The following SGCZ variants were observed in gnomAD, a reference collection of about 807,000 sequenced individuals.
SGCZ encodes sarcoglycan zeta, also known as zeta-sarcoglycan.
In SGCZ, 40 loss-of-function variants were observed where a neutral mutation model predicts 41.3. That is an observed-to-expected ratio of 0.97 (90% CI 0.75 to 1.26). The LOEUF is 1.26. SGCZ is among the 50% of genes most tolerant of loss of function. The pLI, the probability that SGCZ is intolerant of heterozygous loss-of-function variation, is 0.00. For synonymous variants in SGCZ, 206 were observed against 137.5 expected, an observed-to-expected ratio of 1.50 and a Z score of -3.49; for missense variants, 552 against 369.8, an observed-to-expected ratio of 1.49 and a Z score of -4.04.
chr8:14,544,785 C>T (rs1309642290), intron 2 of SGCZ, among the ~76,000 whole-genome samples: 2 of 152,154 alleles, frequency 1.3e-5, no homozygotes, highest in East Asian at 3.9e-4. Flanking sequence ...AACATAGACC[C>T]TTATCTGTGG....
chr8:15,035,518 G>A (rs570949467), intron 1 of SGCZ, among the ~76,000 whole-genome samples: 1 of 152,238 alleles, frequency 6.6e-6, no homozygotes, highest in African/African-American at 2.4e-5. Flanking sequence ...TGCCTTAAAT[G>A]TAACTGGATT....
intron 7 of SGCZ, among the ~76,000 whole-genome samples, chr8:14,091,975 A>G (rs148572704): frequency 0.15 from 23,004 of 152,156 alleles, 1,893 homozygotes; most frequent in African/African-American, 0.22. Flanking sequence ...TCTTTAATCC[A>G]TCTTGAGTTA....
At chr8:15,104,194 G>A (rs1806727055) in intron 1 of SGCZ, among the ~76,000 whole-genome samples, 1 of 152,102 alleles carries the variant, frequency 6.6e-6, no homozygotes, top group South Asian at 2.1e-4. Context: ...TGTTTTTTGA[G>A]GTCATCCTCA....
intron 1 of SGCZ, among the ~76,000 whole-genome samples, chr8:14,966,979 T>C (rs900110170): frequency 7.9e-5 from 12 of 152,288 alleles, no homozygotes; most frequent in African/African-American, 2.4e-4. Context: ...CTCCCAGTTG[T>C]GTATTTATTC....
chr8:14,485,864 T>C (rs1801658361), intron 2 of SGCZ, among the ~76,000 whole-genome samples: 1 of 115,168 alleles, frequency 8.7e-6, no homozygotes, highest in Admixed American at 1.0e-4. Context: ...AGACGGAGTC[T>C]CGCTCTGTCG....
intron 2 of SGCZ, among the ~76,000 whole-genome samples, chr8:14,359,003 T>C (rs1273636215): frequency 2.0e-5 from 3 of 152,168 alleles, no homozygotes; most frequent in African/African-American, 7.2e-5. Context: ...ATTAACGTAA[T>C]TCTAAAATAC....
chr8:14,424,097 T>C (rs959200012), intron 2 of SGCZ, among the ~76,000 whole-genome samples: 1 of 152,158 alleles, frequency 6.6e-6, no homozygotes, highest in Non-Finnish European at 1.5e-5. Flanking sequence ...AGTCTGCTGA[T>C]AGAAAATTCA....
At chr8:14,929,768 C>T (rs1015717246) in intron 1 of SGCZ, among the ~76,000 whole-genome samples, 1 of 151,750 alleles carries the variant, frequency 6.6e-6, no homozygotes, top group African/African-American at 2.4e-5. Flanking sequence ...TCTTTATTGC[C>T]CAGAAACAGA....
intron 1 of SGCZ, among the ~76,000 whole-genome samples, chr8:14,732,579 A>C (rs1026412592): frequency 6.6e-6 from 1 of 152,196 alleles, no homozygotes; most frequent in South Asian, 2.1e-4. Flanking sequence ...ACTCCACTGC[A>C]GGTGTAATCA....
intron 3 of SGCZ, among the ~76,000 whole-genome samples, chr8:14,261,359 C>T (rs997127707): frequency 3.3e-5 from 5 of 151,962 alleles, no homozygotes; most frequent in Non-Finnish European, 5.9e-5. Context: ...AAAAATTCAG[C>T]GTAGGTTTTA....
chr8:14,654,176 C>G (rs1450504772), intron 1 of SGCZ, among the ~76,000 whole-genome samples: 16 of 150,800 alleles, frequency 1.1e-4, no homozygotes, highest in Non-Finnish European at 1.5e-4. Context: ...AGCATTTATT[C>G]TAAAATAAAT....
chr8:14,569,093 TA>T (rs1256939336), intron 1 of SGCZ, among the ~76,000 whole-genome samples: 1 of 152,136 alleles, frequency 6.6e-6, no homozygotes, highest in Non-Finnish European at 1.5e-5. Flanking sequence ...TCTTTCATTC[TA>T]ACTTTAAATA....
intron 1 of SGCZ, among the ~76,000 whole-genome samples, chr8:15,146,701 T>C (rs1236365982): frequency 2.6e-5 from 4 of 152,194 alleles, no homozygotes; most frequent in African/African-American, 9.7e-5. Flanking sequence ...ACATCACTCA[T>C]TTTCATTATA....
chr8:14,679,851 G>C (rs953247662), intron 1 of SGCZ, among the ~76,000 whole-genome samples: 27 of 151,514 alleles, frequency 1.8e-4, no homozygotes, highest in African/African-American at 6.5e-4. Context: ...TGTTTTCTTT[G>C]ATACCCATTT....
At chr8:14,591,803 G>C (rs749988344) in intron 1 of SGCZ, among the ~76,000 whole-genome samples, 12 of 152,086 alleles carry the variant, frequency 7.9e-5, no homozygotes, top group Non-Finnish European at 1.5e-4. Context: ...ATGTCAACGA[G>C]ACTTAAGTCA....
intron 1 of SGCZ, among the ~76,000 whole-genome samples, chr8:14,910,628 T>G (rs1008488787): frequency 6.6e-6 from 1 of 151,954 alleles, no homozygotes; most frequent in Non-Finnish European, 1.5e-5. Flanking sequence ...ACACTGATAT[T>G]TTATGATGGA....
chr8:14,264,868 C>T (rs1799819238), intron 3 of SGCZ, among the ~76,000 whole-genome samples: 1 of 152,118 alleles, frequency 6.6e-6, no homozygotes, highest in South Asian at 2.1e-4. Flanking sequence ...GAGGCTGAGG[C>T]AGGAGAATGG....
At chr8:14,778,316 T>C (rs1047828477) in intron 1 of SGCZ, among the ~76,000 whole-genome samples, 4 of 152,162 alleles carry the variant, frequency 2.6e-5, no homozygotes, top group Admixed American at 6.6e-5. Context: ...TATTTCAGAA[T>C]AGGATTTCTC....
chr8:14,154,535 T>C (rs1803819009), intron 5 of SGCZ, among the ~76,000 whole-genome samples: 1 of 152,184 alleles, frequency 6.6e-6, no homozygotes, highest in Admixed American at 6.5e-5. Context: ...ATTAATAATT[T>C]TGTTGCAAAT....
Sources: allele counts gnomAD v4.1 joint callset (sites outside exome capture counted in the v4.1 genomes callset), GRCh38; gene constraint gnomAD v4.1.1; transcripts MANE v1.5; gene names NCBI Gene and HGNC (gene_info 2026-07-23, HGNC 2026-07-21).